Variants in CMSS1 observed in about 807,000 individuals in gnomAD.
The protein encoded by CMSS1 is protein CMSS1.
CMSS1 carries 33 observed loss-of-function variants against 43.5 expected under a neutral mutation model. The ratio of observed to expected loss-of-function variants is 0.76; its 90% CI spans 0.57 to 1.01. CMSS1 has a LOEUF of 1.01. CMSS1 is among the 50% of genes least tolerant of loss of function. The pLI is 0.00. For synonymous variants in CMSS1, 115 were observed against 117.2 expected (o/e 0.98, Z 0.12); for missense variants, 313 against 326.4 (o/e 0.96, Z 0.32).
At chr3:100,107,607 G>C (rs2066416210) in intron 1 of CMSS1, among the ~76,000 whole-genome samples, 1 of 152,042 alleles carries the variant, frequency 6.6e-6, no homozygotes, top group Non-Finnish European at 1.5e-5. Flanking sequence ...TTTAAATTAG[G>C]AAAGAACAAA....
chr3:100,062,093 C>CTGTTTTTTTTTT (rs2065577687), intron 1 of CMSS1, among the ~76,000 whole-genome samples: 1 of 53,154 alleles, frequency 1.9e-5, no homozygotes, highest in Non-Finnish European at 3.4e-5. Context: ...CTGTCTTCTT[C>CTGTTTTTTTTTT]TTTTTTTTTT....
intron 1 of CMSS1, among the ~76,000 whole-genome samples, chr3:100,117,930 C>T (rs1243323241): frequency 1.4e-5 from 2 of 144,012 alleles, no homozygotes; most frequent in Non-Finnish European, 3.0e-5. Context: ...AATTCTGATA[C>T]ATACTACAAT....
At chr3:100,025,043 A>G (rs1005522226) in intron 1 of CMSS1, among the ~76,000 whole-genome samples, 2 of 152,190 alleles carry the variant, frequency 1.3e-5, no homozygotes, top group Non-Finnish European at 2.9e-5. Context: ...TGTGTTACTA[A>G]TTAACACGCA....
At chr3:100,089,998 C>T (rs1235881474) in intron 1 of CMSS1, among the ~76,000 whole-genome samples, 4 of 152,236 alleles carry the variant, frequency 2.6e-5, no homozygotes, top group Non-Finnish European at 4.4e-5. Flanking sequence ...TACTCCCCCG[C>T]AACTGCAAAG....
chr3:100,091,164 A>G (rs1351490945), intron 1 of CMSS1, among the ~76,000 whole-genome samples: 1 of 151,928 alleles, frequency 6.6e-6, no homozygotes, highest in Non-Finnish European at 1.5e-5. Context: ...GGGCACCTGT[A>G]GTCCCAGCTA....
chr3:100,169,210 A>T (rs1375784368), intron 6 of CMSS1, among the ~76,000 whole-genome samples: 2 of 152,370 alleles, frequency 1.3e-5, no homozygotes, highest in East Asian at 3.9e-4. Flanking sequence ...AAAGGTAAAG[A>T]TTATGTTTTA....
At chr3:100,060,329 T>C (rs966026250) in intron 1 of CMSS1, among the ~76,000 whole-genome samples, 1 of 152,120 alleles carries the variant, frequency 6.6e-6, no homozygotes, top group Admixed American at 6.5e-5. Context: ...TGTTTCCCAC[T>C]CCACCTCCTC....
intron 1 of CMSS1, among the ~76,000 whole-genome samples, chr3:99,867,959 C>G (rs775104429): frequency 3.9e-5 from 6 of 152,090 alleles, no homozygotes; most frequent in Non-Finnish European, 7.4e-5. Flanking sequence ...AAATTAACAC[C>G]TAGGCAAAAA....
chr3:99,863,494 T>C (rs775603149), intron 1 of CMSS1, among the ~76,000 whole-genome samples: 3 of 152,190 alleles, frequency 2.0e-5, no homozygotes, highest in South Asian at 2.1e-4. Context: ...AAGTAGACTA[T>C]TAAGGATATT....
At chr3:100,178,235 G>A in intron 9 of CMSS1, 70 bp from the exon 10 acceptor site, 2 of 889,586 alleles carry the variant, frequency 2.2e-6, no homozygotes, top group Middle Eastern at 4.3e-4. Context: ...AGTCCTGATG[G>A]TTGAATGTAT....
intron 1 of CMSS1, among the ~76,000 whole-genome samples, chr3:100,037,060 T>C (rs1294194382): frequency 6.6e-6 from 1 of 152,216 alleles, no homozygotes; most frequent in Non-Finnish European, 1.5e-5. Context: ...GTGTGGGTTC[T>C]TTCATTTGGA....
At chr3:99,917,782 G>A (rs959109364) in intron 1 of CMSS1, among the ~76,000 whole-genome samples, 3 of 152,166 alleles carry the variant, frequency 2.0e-5, no homozygotes, top group Admixed American at 1.3e-4. Flanking sequence ...AAGAATGGAT[G>A]TACAGATTTG....
At chr3:99,903,861 A>T (rs562736850) in intron 1 of CMSS1, among the ~76,000 whole-genome samples, 2 of 152,250 alleles carry the variant, frequency 1.3e-5, no homozygotes, top group African/African-American at 4.8e-5. Context: ...GAAATAATAG[A>T]GCTGTCGTCC....
chr3:100,144,770 G>A (rs1347669445), intron 1 of CMSS1, among the ~76,000 whole-genome samples: 1 of 152,174 alleles, frequency 6.6e-6, no homozygotes, highest in African/African-American at 2.4e-5. Context: ...GGCTTTTTTG[G>A]TTGGCTTCCA....
intron 1 of CMSS1, among the ~76,000 whole-genome samples, chr3:99,948,032 GATA>G (rs1412397023): frequency 6.6e-6 from 1 of 151,360 alleles, no homozygotes; most frequent in African/African-American, 2.4e-5. Context: ...GTGGTGGTAA[GATA>G]ATAAGTATTT....
intron 1 of CMSS1, among the ~76,000 whole-genome samples, chr3:100,015,322 A>G (rs1284178321): frequency 6.6e-6 from 1 of 152,176 alleles, no homozygotes; most frequent in Non-Finnish European, 1.5e-5. Context: ...TAAATCAGGT[A>G]GTATGATGCT....
intron 1 of CMSS1, among the ~76,000 whole-genome samples, chr3:99,980,960 A>G (rs1373375136): frequency 6.6e-6 from 1 of 152,184 alleles, no homozygotes; most frequent in African/African-American, 2.4e-5. Context: ...ATTGGGACCC[A>G]TTTAACCAAA....
chr3:99,828,411 A>AT (rs3037708), intron 1 of CMSS1, among the ~76,000 whole-genome samples: 25,714 of 139,372 alleles, frequency 0.18, 2,644 homozygotes, highest in South Asian at 0.24. Context: ...ACATACGTGT[A>AT]TTTTTTTTTT....
chr3:100,068,682 C>T (rs1559746631), intron 1 of CMSS1, among the ~76,000 whole-genome samples: 1 of 152,226 alleles, frequency 6.6e-6, no homozygotes, highest in African/African-American at 2.4e-5. Context: ...GGCTGGAGTG[C>T]AGTTGCACGA....
Sources: gnomAD v4.1 joint callset for allele counts (sites outside exome capture counted in the v4.1 genomes callset) on GRCh38, gnomAD v4.1.1 for gene constraint, MANE v1.5 for transcripts, NCBI Gene and HGNC (gene_info 2026-07-23, HGNC 2026-07-21) for gene names.